Variants in MAP2K6 observed in about 807,000 individuals in gnomAD.
MAP2K6 encodes mitogen-activated protein kinase kinase 6, also known as dual specificity mitogen-activated protein kinase kinase 6.
A neutral mutation model predicts 53.7 loss-of-function variants in MAP2K6; 16 were observed. The ratio of observed to expected loss-of-function variants is 0.30; its 90% CI spans 0.20 to 0.45. The LOEUF (loss-of-function observed/expected upper bound fraction) is 0.45, where lower values mean the gene tolerates loss of function less well. MAP2K6 is among the 20% of genes least tolerant of loss of function. The probability of loss-of-function intolerance (pLI) is 1.00; values close to 1 mark genes in which losing one functional copy is unlikely to be tolerated. For synonymous variants in MAP2K6, 132 were observed against 143.1 expected (o/e 0.92, Z 0.55); for missense variants, 204 against 411.9 (o/e 0.50, Z 4.37).
chr17:69,503,831 C>T (rs947135812), intron 1 of MAP2K6, among the ~76,000 whole-genome samples: 5 of 152,090 alleles, frequency 3.3e-5, no homozygotes, highest in Admixed American at 2.6e-4. Context: ...TCATATCAGT[C>T]CAGTGAGGTG....
chr17:69,483,514 T>C (rs1908420480), intron 1 of MAP2K6, among the ~76,000 whole-genome samples: 1 of 152,108 alleles, frequency 6.6e-6, no homozygotes. Flanking sequence ...ATTGTTAAGA[T>C]GGCAGTAGTT....
rs1912010405 is a variant in MAP2K6 at position 69,549,526 on chromosome 17, G to C, written c.*7773G>C. ...CTGAATGCTTTTGTGGTAAGGAACT[G>C]ATCTGGCCATTTTCATATAACAAAA... On this transcript the variant is annotated 3_prime_UTR_variant, in exon 12 of 12. Coordinates refer to ENST00000590474, the MANE Select transcript of MAP2K6 (RefSeq NM_002758.4). 6.6e-6 allele frequency: 1 copy of C among 152,122 alleles called. No individual in the cohort carries two copies. The allele number at this position is 152,122 out of a possible 1,614,324, so 9.4% of individuals were successfully genotyped here.
At chr17:69,532,269 A>G (rs1271697428) in intron 10 of MAP2K6, among the ~76,000 whole-genome samples, 1 of 152,184 alleles carries the variant, frequency 6.6e-6, no homozygotes, top group Non-Finnish European at 1.5e-5. Flanking sequence ...GAAACGCGCA[A>G]TGTGTTTTTA....
intron 6 of MAP2K6, chr17:69,520,595 AG>A (rs1179757800): frequency 1.9e-6 from 1 of 524,870 alleles, no homozygotes; most frequent in Non-Finnish European, 3.3e-6. Context: ...GGCAGACTCT[AG>A]GTTAAATGAC....
intron 4 of MAP2K6, 39 bp downstream of exon 4, chr17:69,517,652 T>C (rs756404288): frequency 2.1e-6 from 3 of 1,396,488 alleles, no homozygotes; most frequent in South Asian, 1.4e-5. Context: ...ATATCTGCTG[T>C]GTATACATTT....
intron 10 of MAP2K6, among the ~76,000 whole-genome samples, chr17:69,527,262 T>C (rs1910825708): frequency 6.6e-6 from 1 of 152,114 alleles, no homozygotes; most frequent in Non-Finnish European, 1.5e-5. Context: ...AGTGGGTAGT[T>C]TGAGAGTGTT....
intron 1 of MAP2K6, among the ~76,000 whole-genome samples, chr17:69,501,520 A>G (rs574613690): frequency 3.3e-5 from 5 of 152,210 alleles, no homozygotes; most frequent in African/African-American, 1.2e-4. Context: ...TTTTTTTTCC[A>G]GTGCCATTTT....
intron 1 of MAP2K6, among the ~76,000 whole-genome samples, chr17:69,447,427 C>A (rs1907006276): frequency 6.6e-6 from 1 of 152,052 alleles, no homozygotes; most frequent in African/African-American, 2.4e-5. Context: ...TTTACTGCAA[C>A]CTCTGCCTCC....
chr17:69,475,164 G>GTTTTT (rs775528883), intron 1 of MAP2K6, among the ~76,000 whole-genome samples: 18 of 111,626 alleles, frequency 1.6e-4, no homozygotes, highest in African/African-American at 3.0e-4. Flanking sequence ...TGAAATCTGT[G>GTTTTT]TTTTTTTTTT....
intron 10 of MAP2K6, among the ~76,000 whole-genome samples, chr17:69,535,289 T>G (rs991918940): frequency 3.3e-5 from 5 of 152,196 alleles, no homozygotes; most frequent in Admixed American, 6.5e-5. Flanking sequence ...ACAAGTAGTA[T>G]TACCTTAGAA....
chr17:69,495,256 G>GAGCTGGAGTCTCGCTCTTGTCGCCCA (rs1212623449), intron 1 of MAP2K6, among the ~76,000 whole-genome samples: 1 of 139,000 alleles, frequency 7.2e-6, no homozygotes, highest in Non-Finnish European at 1.6e-5. Flanking sequence ...TTTTTTTTTT[G>GAGCTGGAGTCTCGCTCTTGTCGCCCA]AGCTGGAGTC....
intron 1 of MAP2K6, among the ~76,000 whole-genome samples, chr17:69,498,284 A>G (rs79659773): frequency 0.03 from 4,030 of 132,920 alleles, 189 homozygotes; most frequent in African/African-American, 0.11. Context: ...ATGGTAAAAC[A>G]AGACAAACAA....
chr17:69,528,145 A>G (rs2144840683), intron 10 of MAP2K6, among the ~76,000 whole-genome samples: 1 of 151,200 alleles, frequency 6.6e-6, no homozygotes, highest in African/African-American at 2.4e-5. Flanking sequence ...TACAGCATTC[A>G]TCAGGAAACA....
At chr17:69,483,564 AT>A (rs1345688527) in intron 1 of MAP2K6, among the ~76,000 whole-genome samples, 1 of 152,086 alleles carries the variant, frequency 6.6e-6, no homozygotes, top group East Asian at 1.9e-4. Flanking sequence ...TCTCATGAGA[AT>A]TTCAGCTGAC....
intron 7 of MAP2K6, among the ~76,000 whole-genome samples, chr17:69,522,802 T>A (rs1207257285): frequency 6.6e-6 from 1 of 150,904 alleles, no homozygotes; most frequent in Non-Finnish European, 1.5e-5. Context: ...ACACCTGTAA[T>A]CACAGCCCTT....
At chr17:69,490,478 A>T (rs758703208) in intron 1 of MAP2K6, among the ~76,000 whole-genome samples, 43 of 152,170 alleles carry the variant, frequency 2.8e-4, no homozygotes, top group Admixed American at 2.0e-3. Context: ...AAGGCAAGAG[A>T]GTGAAAGTGG....
At chr17:69,501,926 T>G (rs1909193004) in intron 1 of MAP2K6, among the ~76,000 whole-genome samples, 7 of 151,810 alleles carry the variant, frequency 4.6e-5, no homozygotes, top group Admixed American at 4.6e-4. Context: ...ATGTTTTTTT[T>G]TTTTTTTTTT....
At chr17:69,496,429 C>T (rs1243889217) in intron 1 of MAP2K6, among the ~76,000 whole-genome samples, 2 of 151,784 alleles carry the variant, frequency 1.3e-5, no homozygotes, top group African/African-American at 4.8e-5. Flanking sequence ...GTGCCCCACA[C>T]CCGGCTAATT....
At chr17:69,522,440 G>T (rs1461722395) in intron 7 of MAP2K6, among the ~76,000 whole-genome samples, 1 of 152,104 alleles carries the variant, frequency 6.6e-6, no homozygotes, top group Admixed American at 6.5e-5. Context: ...GTATCTTCTA[G>T]CTTAAAGGGA....
Sources: allele counts gnomAD v4.1 joint callset (sites outside exome capture counted in the v4.1 genomes callset), GRCh38; gene constraint gnomAD v4.1.1; transcripts MANE v1.5; gene names NCBI Gene and HGNC (gene_info 2026-07-23, HGNC 2026-07-21).